LRRTM4: variants seen among roughly 807,000 people sequenced by gnomAD.
LRRTM4 encodes leucine-rich repeat transmembrane neuronal protein 4.
Under a neutral mutation model 47.6 loss-of-function variants are expected in LRRTM4, and 25 were observed. That is an observed-to-expected ratio of 0.53 (90% CI 0.38 to 0.73). The LOEUF is 0.73. Ranked by LOEUF, LRRTM4 falls within the 30% of genes least tolerant of loss-of-function variation. LRRTM4 has a pLI of 0.00. For synonymous variants in LRRTM4, 311 were observed against 269.5 expected (o/e 1.15, Z -1.51); for missense variants, 638 against 713.4 (o/e 0.89, Z 1.20).
chr2:77,312,916 T>C (rs1300540397), intron 3 of LRRTM4, among the ~76,000 whole-genome samples: 1 of 152,162 alleles, frequency 6.6e-6, no homozygotes, highest in Non-Finnish European at 1.5e-5. Flanking sequence ...TTGATCTGAG[T>C]TCTGGGAACA....
At chr2:76,871,927 A>T (rs1672634846) in intron 3 of LRRTM4, among the ~76,000 whole-genome samples, 1 of 152,186 alleles carries the variant, frequency 6.6e-6, no homozygotes, top group South Asian at 2.1e-4. Context: ...AGTGAGCTTG[A>T]AATAGGATTC....
At chr2:77,076,379 G>A (rs1680336668) in intron 3 of LRRTM4, among the ~76,000 whole-genome samples, 1 of 151,812 alleles carries the variant, frequency 6.6e-6, no homozygotes, top group Non-Finnish European at 1.5e-5. Flanking sequence ...CTAATGGAAT[G>A]TAATTTAGTT....
chr2:76,990,381 A>G (rs563125996), intron 3 of LRRTM4, among the ~76,000 whole-genome samples: 6 of 151,844 alleles, frequency 4.0e-5, no homozygotes, highest in Non-Finnish European at 7.4e-5. Context: ...AAATAGCAAG[A>G]CCCATCTGTC....
At chr2:77,068,712 T>G in intron 3 of LRRTM4, among the ~76,000 whole-genome samples, 1 of 152,218 alleles carries the variant, frequency 6.6e-6, no homozygotes, top group East Asian at 1.9e-4. Flanking sequence ...TGTTATTCAG[T>G]TGATTGACAT....
chr2:77,067,570 A>G (rs1027397208), intron 3 of LRRTM4, among the ~76,000 whole-genome samples: 4 of 152,100 alleles, frequency 2.6e-5, no homozygotes, highest in Non-Finnish European at 4.4e-5. Context: ...AAACAGATCA[A>G]TGATTTAGAA....
At chr2:77,346,504 G>C (rs1361643746) in intron 3 of LRRTM4, among the ~76,000 whole-genome samples, 1 of 152,058 alleles carries the variant, frequency 6.6e-6, no homozygotes, top group Admixed American at 6.6e-5. Context: ...CTTACATGGG[G>C]ACATGGACAC....
intron 3 of LRRTM4, among the ~76,000 whole-genome samples, chr2:77,326,105 A>G (rs76131488): frequency 0.055 from 8,330 of 152,206 alleles, 325 homozygotes; most frequent in African/African-American, 0.1. Context: ...TGCCGTGAGA[A>G]ATTCCAACAA....
At chr2:77,412,893 G>A (rs1237102938) in intron 3 of LRRTM4, among the ~76,000 whole-genome samples, 1 of 151,998 alleles carries the variant, frequency 6.6e-6, no homozygotes, top group Non-Finnish European at 1.5e-5. Flanking sequence ...TAGTAAGAGG[G>A]AAAAAATAAT....
intron 3 of LRRTM4, among the ~76,000 whole-genome samples, chr2:77,185,833 T>C (rs1476395399): frequency 6.6e-6 from 1 of 152,086 alleles, no homozygotes; most frequent in Non-Finnish European, 1.5e-5. Flanking sequence ...TGTTCAGTCA[T>C]TTGGCAAAGG....
At chr2:77,025,043 T>G (rs1678407853) in intron 3 of LRRTM4, among the ~76,000 whole-genome samples, 1 of 152,200 alleles carries the variant, frequency 6.6e-6, no homozygotes, top group Non-Finnish European at 1.5e-5. Flanking sequence ...ATTTATATTT[T>G]CATACTTCAA....
chr2:76,947,228 T>C (rs10204605), intron 3 of LRRTM4, among the ~76,000 whole-genome samples: 44,324 of 151,646 alleles, frequency 0.29, 8,457 homozygotes, highest in African/African-American at 0.55. Flanking sequence ...TTAAATGCAC[T>C]TGATCCTGAG....
intron 3 of LRRTM4, among the ~76,000 whole-genome samples, chr2:77,496,614 T>TA (rs1409521689): frequency 6.6e-6 from 1 of 151,834 alleles, no homozygotes; most frequent in African/African-American, 2.4e-5. Flanking sequence ...TTACATTGAC[T>TA]AATATTTGGA....
At chr2:77,095,204 A>G (rs1254992449) in intron 3 of LRRTM4, among the ~76,000 whole-genome samples, 1 of 152,220 alleles carries the variant, frequency 6.6e-6, no homozygotes, top group Non-Finnish European at 1.5e-5. Context: ...ACAGTGAGAT[A>G]CTACCTCATT....
chr2:77,480,822 GGAGAGAGAGAGAGAGAGAGAGA>G (rs67377276), intron 3 of LRRTM4, among the ~76,000 whole-genome samples: 2 of 74,498 alleles, frequency 2.7e-5, no homozygotes, highest in South Asian at 5.7e-4. Context: ...GTGTGTGTGT[GGAGAGAGAGAGAGAGAGAGAGA>G]GAGAGAGAGA....
At chr2:77,207,347 GTGTATATATA>G (rs1674158884) in intron 3 of LRRTM4, among the ~76,000 whole-genome samples, 1 of 83,396 alleles carries the variant, frequency 1.2e-5, no homozygotes, top group African/African-American at 4.3e-5. Flanking sequence ...TTTCATATAT[GTGTATATATA>G]TATATATATA....
intron 3 of LRRTM4, among the ~76,000 whole-genome samples, chr2:77,017,882 T>C (rs1678124156): frequency 6.6e-6 from 1 of 150,564 alleles, no homozygotes; most frequent in South Asian, 2.1e-4. Context: ...AAAAATTATA[T>C]ATTAGAAAGC....
At chr2:77,345,428 T>C (rs1671526838) in intron 3 of LRRTM4, among the ~76,000 whole-genome samples, 1 of 151,584 alleles carries the variant, frequency 6.6e-6, no homozygotes, top group Non-Finnish European at 1.5e-5. Context: ...GAAGAATATA[T>C]AAAGAATTCT....
chr2:76,776,084 A>G (rs950668584), intron 3 of LRRTM4, among the ~76,000 whole-genome samples: 1 of 151,998 alleles, frequency 6.6e-6, no homozygotes, highest in Non-Finnish European at 1.5e-5. Context: ...AAAGGACATG[A>G]ACTCATCATT....
intron 3 of LRRTM4, among the ~76,000 whole-genome samples, chr2:77,195,777 T>A (rs1411101415): frequency 6.6e-6 from 1 of 152,172 alleles, no homozygotes; most frequent in Non-Finnish European, 1.5e-5. Context: ...TATGACCACA[T>A]AATTAATCAT....
Sources: allele counts gnomAD v4.1 joint callset (sites outside exome capture counted in the v4.1 genomes callset), GRCh38; gene constraint gnomAD v4.1.1; transcripts MANE v1.5; gene names NCBI Gene and HGNC (gene_info 2026-07-23, HGNC 2026-07-21).